MMP21: variants seen among roughly 807,000 people sequenced by gnomAD.
The protein encoded by MMP21 is matrix metalloproteinase-21.
MMP21 carries 40 observed loss-of-function variants against 47.8 expected under a neutral mutation model. The observed-to-expected ratio is 0.84, with a 90% CI of 0.65 to 1.09. MMP21 has a LOEUF of 1.09. Ranked by LOEUF, MMP21 falls within the 50% of genes least tolerant of loss-of-function variation. The probability of loss-of-function intolerance (pLI) is 0.00; values close to 1 mark genes in which losing one functional copy is unlikely to be tolerated. For missense variants in MMP21, 747 were observed against 775.3 expected (o/e 0.96, Z 0.43); for synonymous variants, 341 against 318.0 (o/e 1.07, Z -0.77).
intron 1 of MMP21, 87 bp downstream of exon 1, chr10:125,775,573 T>C (rs900648368): frequency 1.4e-6 from 2 of 1,457,766 alleles, no homozygotes; most frequent in African/African-American, 2.9e-5. Context: ...GCCGGCATCC[T>C]GGCCTGTGCC....
chr10:125,766,909 C>G lies in MMP21; in HGVS notation c.1463G>C (p.Arg488Thr). Reference protein sequence around the residue: ...RNRVLNSYPKRITEVFPAVIP... With the variant: ...RNRVLNSYPKTITEVFPAVIP... Reference sequence around the variant, plus strand: ...TACTGCTGGAAAAACTTCAGTAATCCTCTTTGGATAAGAATTAAGTACTCG... The same window carrying G: ...TACTGCTGGAAAAACTTCAGTAATCGTCTTTGGATAAGAATTAAGTACTCG... Residue 488 changes from arginine (R) to threonine (T), a missense_variant, in exon 7 of 7, where the codon AGG becomes ACG. Transcript: ENST00000368808. 6.2e-7 allele frequency: 1 copy of G among 1,611,830 alleles called. No individual in the cohort carries two copies. The highest frequency in any genetic ancestry group is 8.5e-7 in the Non-Finnish European group (1 of 1,179,390).
At chr10:125,774,622 G>A (rs1158781066) in intron 1 of MMP21, among the ~76,000 whole-genome samples, 11 of 152,330 alleles carry the variant, frequency 7.2e-5, no homozygotes, top group Admixed American at 4.6e-4. Flanking sequence ...AGTCCTGGGC[G>A]CCTTCCTGAG....
intron 5 of MMP21, among the ~76,000 whole-genome samples, chr10:125,768,822 A>AAGAT: frequency 6.6e-6 from 1 of 152,348 alleles, no homozygotes; most frequent in African/African-American, 2.4e-5. Flanking sequence ...AAAACCCTGA[A>AAGAT]AGATGTGCTT....
chr10:125,774,417 CG>C, intron 1 of MMP21, 52 bp from the exon 2 acceptor site: 1 of 1,265,326 alleles, frequency 7.9e-7, no homozygotes, highest in Non-Finnish European at 1.0e-6. Flanking sequence ...GGGGCCCTCC[CG>C]GGCTGCCCTG....
In MMP21 at chr10:125,773,853, G is replaced by A. The variant is rs746017007; in HGVS notation, c.675C>T (p.Asp225=). The change falls in exon 2 of 7, where the codon GAC becomes GAT. Residue 225 remains aspartate (D), a synonymous_variant. Transcript: ENST00000368808. This position sits in a 1 kb window ranked among gnomAD's most constrained non-coding sequence, Gnocchi z 4.8. ...TACCTCTCCCAAAGCCCAGCTTGATGTCGACCGCGGCCCCGGGGGCGGCCA... is the reference window on the plus strand; with the variant it reads ...TACCTCTCCCAAAGCCCAGCTTGATATCGACCGCGGCCCCGGGGGCGGCCA... The part of the protein sequence containing the change: ...EDLAAPGAAV[D]IKLGFGRGRH... 2 of 1,563,354 alleles carry A rather than the reference G, an allele frequency of 1.3e-6. No individual in the cohort carries two copies. The highest frequency in any genetic ancestry group is 4.8e-5 in the East Asian group (2 of 41,342).
At position 125,772,085 on chromosome 10, in the gene MMP21, C is replaced by T; in HGVS notation, c.979+133G>A. On this transcript the variant is annotated intron_variant, in intron 4 of 6. Transcript: ENST00000368808. The surrounding 1 kb of genome is among the most constrained non-coding windows in gnomAD (Gnocchi z 5.6). The stretch of plus-strand genomic sequence containing the variant: ...CATCAGGGAGCTAGAGGGTGGCTAC[C>T]CTTGGGTGACATGAGTTGTACAACG... The T allele has an allele frequency of 1.8e-6, 2 of 1,120,338 alleles. No individual in the cohort carries two copies. Among genetic ancestry groups the T allele is most frequent in the South Asian group, 1.5e-5 (1 of 66,418 alleles). The allele number at this position is 1,120,338 out of a possible 1,614,324, so 69.4% of individuals were successfully genotyped here.
At chr10:125,768,756 T>G (rs1439045505) in intron 5 of MMP21, among the ~76,000 whole-genome samples, 1 of 152,198 alleles carries the variant, frequency 6.6e-6, no homozygotes, top group Non-Finnish European at 1.5e-5. Flanking sequence ...ATGACCTAAA[T>G]CTATAATTAT....
At position 125,772,798 on chromosome 10, in the gene MMP21, C is replaced by T; in HGVS notation, c.698-48G>A. The T allele has an allele frequency of 6.3e-7, 1 of 1,596,150 alleles. No individual in the cohort carries two copies. Among genetic ancestry groups the T allele is most frequent in the South Asian group, 1.1e-5 (1 of 90,268 alleles). ...GGTCCCGGTGAAGGATGAGTGCCCC[C>T]CATACAGACTCCTCACCTAGGGGGT... is the stretch of plus-strand genomic sequence containing the variant. On this transcript the variant is annotated intron_variant, in intron 2 of 6. Transcript: ENST00000368808. This position sits in a 1 kb window ranked among gnomAD's most constrained non-coding sequence, Gnocchi z 5.6.
Position 125,766,558 on chromosome 10 carries a change from T to C in MMP21, c.*104A>G. The C allele has an allele frequency of 1.1e-6, 1 of 914,840 alleles. No homozygotes were observed. Among genetic ancestry groups the C allele is most frequent in the African/African-American group, 1.7e-5 (1 of 59,912 alleles). 56.7% of individuals were successfully genotyped at this position (914,840 alleles called of 1,614,324 possible). ...AGGCTTTTCCCATTGGGTTTTAACT[T>C]ACAGTGCCATATTTTCTTCAGCTAC... On this transcript the variant is annotated 3_prime_UTR_variant, in exon 7 of 7. Transcript: ENST00000368808.
intron 4 of MMP21, among the ~76,000 whole-genome samples, chr10:125,771,956 C>T (rs559088148): frequency 1.3e-5 from 2 of 152,250 alleles, no homozygotes; most frequent in African/African-American, 4.8e-5. Context: ...GTTGAGAAAA[C>T]CACCCCGCAT....
Position 125,770,574 on chromosome 10 carries a change from A to G in MMP21, c.997T>C (p.Phe333Leu). 6.2e-7 allele frequency: 1 copy of G among 1,614,172 alleles called. No individual in the cohort carries two copies. Among genetic ancestry groups the G allele is most frequent in the Non-Finnish European group, 8.5e-7 (1 of 1,179,990 alleles). Residue 333 changes from phenylalanine (F) to leucine (L), a missense_variant, in exon 5 of 7, where the codon TTT (phenylalanine) becomes CTT (leucine). Coordinates refer to ENST00000368808, the MANE Select transcript of MMP21 (RefSeq NM_147191.1). ...CGAATCCAGTCAAACGCAGTATCAA[A>G]TGATCCCTCACAGGAGCCTTAAAAA... is the stretch of plus-strand genomic sequence containing the variant. ...QKLYGSCEGSFDTAFDWIRKE... is the reference protein window; with the variant it reads ...QKLYGSCEGSLDTAFDWIRKE...
At chr10:125,768,827 G>A (rs956970890) in intron 5 of MMP21, among the ~76,000 whole-genome samples, 1 of 152,162 alleles carries the variant, frequency 6.6e-6, no homozygotes, top group African/African-American at 2.4e-5. Context: ...CCTGAAAGAT[G>A]TGCTTCCAAC....
chr10:125,767,148 T>C (rs1045481745), intron 6 of MMP21, among the ~76,000 whole-genome samples, 187 bp from the exon 7 acceptor site: 1 of 152,166 alleles, frequency 6.6e-6, no homozygotes, highest in Non-Finnish European at 1.5e-5. Flanking sequence ...TGTTTTTTTT[T>C]TGGGCCCGGT....
At chr10:125,770,929 C>A (rs1043099156) in intron 4 of MMP21, among the ~76,000 whole-genome samples, 2 of 151,782 alleles carry the variant, frequency 1.3e-5, no homozygotes, top group Non-Finnish European at 2.9e-5. Flanking sequence ...ACTTGGGAAG[C>A]TGAGGTGGGA....
chr10:125,775,584 T>G (rs1850507503), intron 1 of MMP21, 76 bp downstream of exon 1: 1 of 1,478,122 alleles, frequency 6.8e-7, no homozygotes, highest in African/African-American at 1.4e-5. Context: ...GGCCTGTGCC[T>G]GTGCGCGCGT....
chr10:125,771,602 A>T lies in MMP21; in HGVS notation c.979+616T>A, dbSNP rs1273762947. On this transcript the variant is annotated intron_variant, in intron 4 of 6. Transcript: ENST00000368808. Reference sequence around the variant, plus strand: ...TATTTATGGTAGAGAAAGGGTTTCAACATGTTGGCCAGGCTGGTCTCGAAC... The same window carrying T: ...TATTTATGGTAGAGAAAGGGTTTCATCATGTTGGCCAGGCTGGTCTCGAAC... Among the ~76,000 whole-genome samples, 4 of 152,028 alleles carry T rather than the reference A, an allele frequency of 2.6e-5. No homozygotes were observed. The East Asian group carries it at 7.7e-4, about 29-fold the overall frequency.
chr10:125,767,713 C>T lies in MMP21; in HGVS notation c.1238-9G>A. On this transcript the variant is annotated splice_polypyrimidine_tract_variant and intron_variant, in intron 5 of 6. Transcript: ENST00000368808. ...TCTCCAGTATTGATTTCCTGAGAGC[C>T]AAACAAAATACGTTCATGTGGTTTA... 1 of 1,613,188 alleles carries T rather than the reference C, an allele frequency of 6.2e-7. No individual in the cohort carries two copies. Among genetic ancestry groups the T allele is most frequent in the Non-Finnish European group, 8.5e-7 (1 of 1,179,542 alleles).
chr10:125,768,531 C>T (rs933567169), intron 5 of MMP21, among the ~76,000 whole-genome samples: 1 of 152,208 alleles, frequency 6.6e-6, no homozygotes, highest in Non-Finnish European at 1.5e-5. Flanking sequence ...CTTTGGTGTT[C>T]ACAGTTCACA....
In MMP21 at chr10:125,766,674, T is replaced by C; in HGVS notation, c.1698A>G (p.Thr566=). The C allele has an allele frequency of 6.2e-7, 1 of 1,607,514 alleles. No individual in the cohort carries two copies. Among genetic ancestry groups the C allele is most frequent in the African/African-American group, 1.3e-5 (1 of 74,658 alleles). ...CTACTTTTTCTTATTACATGTTCAG[T>C]GTGGAGATATGGACGTCACAAACAT... ...WFDVCDVHIS[T]LNM The change falls in exon 7 of 7, where the codon ACA becomes ACG. Residue 566 remains threonine (T), a synonymous_variant. Coordinates refer to ENST00000368808, the MANE Select transcript of MMP21 (RefSeq NM_147191.1).
Sources: allele counts gnomAD v4.1 joint callset (sites outside exome capture counted in the v4.1 genomes callset), GRCh38; gene constraint gnomAD v4.1.1; non-coding constraint Gnocchi (gnomAD v3.1); transcripts MANE v1.5; gene names NCBI Gene and HGNC (gene_info 2026-07-23, HGNC 2026-07-21).